The following TTC17 variants were observed in gnomAD, a reference collection of about 807,000 sequenced individuals.
The protein encoded by TTC17 is tetratricopeptide repeat domain 17.
A neutral mutation model predicts 143.8 loss-of-function variants in TTC17; 58 were observed. That is an observed-to-expected ratio of 0.40 (90% CI 0.33 to 0.50). The LOEUF (loss-of-function observed/expected upper bound fraction) is 0.50. Ranked by LOEUF, TTC17 falls within the 20% of genes least tolerant of loss-of-function variation. The pLI, the probability that TTC17 is intolerant of heterozygous loss-of-function variation, is 0.49. For synonymous variants in TTC17, 501 were observed against 497.8 expected, an observed-to-expected ratio of 1.01 and a Z score of -0.09; for missense variants, 1,273 against 1,392.5, an observed-to-expected ratio of 0.91 and a Z score of 1.37.
At chr11:43,480,887 CAAAA>C (rs58806758) in intron 21 of TTC17, among the ~76,000 whole-genome samples, 1 of 99,024 alleles carries the variant, frequency 1.0e-5, no homozygotes, top group Non-Finnish European at 2.2e-5. Flanking sequence ...CAAGAAAATG[CAAAA>C]AAAAAAAAAA....
intron 16 of TTC17, among the ~76,000 whole-genome samples, chr11:43,443,041 T>C (rs1947457569): frequency 6.6e-6 from 1 of 152,194 alleles, no homozygotes; most frequent in Admixed American, 6.5e-5. Flanking sequence ...TTTTAAAAAA[T>C]AGTGTATCAC....
Position 43,443,418 on chromosome 11 carries a change from T to G in TTC17, c.2345T>G (p.Phe782Cys). 1.2e-6 allele frequency: 2 copies of G among 1,614,130 alleles called. No individual in the cohort carries two copies. Among genetic ancestry groups the G allele is most frequent in the Non-Finnish European group, 1.7e-6 (2 of 1,180,022 alleles). Residue 782 changes from phenylalanine to cysteine, a missense_variant, in exon 17 of 24, where the codon TTT (phenylalanine) becomes TGT (cysteine). By Grantham distance (205) the Phe-to-Cys change is radical. This residue lies in a region of TTC17 where 878 missense variants were observed against 899.8 expected (regional missense o/e 0.98). Transcript: ENST00000039989. ...SEEILALVDEFQQAWPLEGFG... is the reference protein window; with the variant it reads ...SEEILALVDECQQAWPLEGFG... Reference sequence around the variant, plus strand: ...GAAATACTGGCTTTGGTGGATGAATTTCAACAGGCATGGCCTTTGGAAGGC... The same window carrying G: ...GAAATACTGGCTTTGGTGGATGAATGTCAACAGGCATGGCCTTTGGAAGGC...
chr11:43,369,996 T>C, intron 1 of TTC17: 1 of 436,696 alleles, frequency 2.3e-6, no homozygotes, highest in Non-Finnish European at 4.6e-6. Flanking sequence ...ATCTTGGCAG[T>C]TCATTATAAT....
chr11:43,389,955 C>A, intron 3 of TTC17, 134 bp downstream of exon 3: 1 of 668,612 alleles, frequency 1.5e-6, no homozygotes, highest in Non-Finnish European at 2.5e-6. Context: ...ATTCAAAATA[C>A]ATACTACATG....
intron 19 of TTC17, 125 bp from the exon 20 acceptor site, chr11:43,449,957 G>A (rs1590441797): frequency 9.5e-7 from 1 of 1,049,626 alleles, no homozygotes; most frequent in Non-Finnish European, 1.4e-6. Context: ...TCAGGGGATA[G>A]CATGTTGAAG....
chr11:43,389,964 T>A (rs928928066), intron 3 of TTC17, 143 bp downstream of exon 3: 17 of 636,618 alleles, frequency 2.7e-5, no homozygotes, highest in Non-Finnish European at 3.4e-5. Flanking sequence ...ACATACTACA[T>A]GTAGAATTCT....
Position 43,493,860 on chromosome 11 carries a change from A to G in TTC17, c.3382A>G (p.Ile1128Val), listed in dbSNP as rs978457942. 6.2e-7 allele frequency: 1 copy of G among 1,613,998 alleles called. No homozygotes were observed. The highest frequency in any genetic ancestry group is 8.5e-7 in the Non-Finnish European group (1 of 1,179,908). ...FVPAKNRIQT[I>V]QCHLMLKKGR... ...CCCAGCCAAGAACCGAATCCAGACC[A>G]TCCAGTGTCACTTAATGCTGAAGAA... The change falls in exon 24 of 24, where the codon ATC (isoleucine) becomes GTC (valine). Residue 1128 changes from isoleucine (I) to valine (V), a missense_variant. Ile to Val is a conservative substitution (Grantham distance 29). Transcript: ENST00000039989.
At chr11:43,446,852 G>A (rs563803590) in intron 18 of TTC17, 372 of 195,938 alleles carry the variant, frequency 1.9e-3, no homozygotes, top group Non-Finnish European at 2.9e-3. Flanking sequence ...ACTTACGAAG[G>A]ATATTAATAA....
At chr11:43,459,781 C>A (rs1947830659) in intron 21 of TTC17, among the ~76,000 whole-genome samples, 1 of 152,174 alleles carries the variant, frequency 6.6e-6, no homozygotes, top group Admixed American at 6.5e-5. Flanking sequence ...CCCATACAAC[C>A]ATTCTATTTT....
intron 10 of TTC17, among the ~76,000 whole-genome samples, chr11:43,401,823 T>C (rs935495194): frequency 2.0e-5 from 3 of 151,460 alleles, no homozygotes; most frequent in Non-Finnish European, 1.5e-5. Context: ...CAAAAACATA[T>C]ATAAATTGGC....
At position 43,407,610 on chromosome 11, in the gene TTC17, A is replaced by C. The variant is rs373860371; in HGVS notation, c.2064+33A>C. The stretch of plus-strand genomic sequence containing the variant: ...TTTAAGGGATTTCATAGTTCCGTAT[A>C]CTATGTAGGGTAACTCAAATTTAGA... On this transcript the variant is annotated intron_variant, in intron 15 of 23. Coordinates refer to ENST00000039989, the MANE Select transcript of TTC17 (RefSeq NM_018259.6). 3.2e-6 allele frequency: 5 copies of C among 1,583,378 alleles called. No individual in the cohort carries two copies. The African/African-American group carries it at 5.4e-5, about 17-fold the overall frequency.
At chr11:43,369,744 G>A (rs905064906) in intron 1 of TTC17, among the ~76,000 whole-genome samples, 4 of 151,764 alleles carry the variant, frequency 2.6e-5, no homozygotes, top group Non-Finnish European at 5.9e-5. Context: ...AGCCTCCCGA[G>A]TAGCTGGGAC....
intron 21 of TTC17, 107 bp downstream of exon 21, chr11:43,451,372 CT>C (rs1395396210): frequency 4.3e-6 from 4 of 938,200 alleles, no homozygotes; most frequent in Non-Finnish European, 6.7e-6. Flanking sequence ...TTACTTAGCA[CT>C]TGGTGGCTAA....
chr11:43,377,735 A>C lies in TTC17; in HGVS notation c.160-1498A>C, dbSNP rs573795070. 1.9e-4 allele frequency among the ~76,000 whole-genome samples: 29 copies of C among 152,312 alleles called. 1 individual carries two copies. Among genetic ancestry groups the C allele is most frequent in the African/African-American group, 6.7e-4 (28 of 41,574 alleles). On this transcript the variant is annotated intron_variant, in intron 1 of 23. Coordinates refer to ENST00000039989, the MANE Select transcript of TTC17 (RefSeq NM_018259.6). ...ATTGAATGTTGACCAGATCCATGCT[A>C]TGGAAATATTATTAAACTTTGTTAT...
chr11:43,479,905 G>A (rs1367278353), intron 21 of TTC17, among the ~76,000 whole-genome samples: 2 of 152,126 alleles, frequency 1.3e-5, no homozygotes, highest in African/African-American at 4.8e-5. Context: ...TGGCAGAAGG[G>A]TGCAGTGAGC....
intron 21 of TTC17, among the ~76,000 whole-genome samples, chr11:43,479,814 A>G (rs1293175871): frequency 6.6e-6 from 1 of 152,182 alleles, no homozygotes; most frequent in Non-Finnish European, 1.5e-5. Flanking sequence ...GCAGCAAGTG[A>G]TTAGGGTTTT....
rs1260269652 is a variant in TTC17, at chr11:43,401,502, G to C, written c.1276G>C (p.Asp426His). The C allele has an allele frequency of 6.2e-7, 1 of 1,613,510 alleles. No individual in the cohort carries two copies. Among genetic ancestry groups the C allele is most frequent in the East Asian group, 2.2e-5 (1 of 44,874 alleles). Residue 426 changes from aspartate (D) to histidine (H), a missense_variant, in exon 10 of 24, where the codon GAC (aspartate) becomes CAC (histidine). Coordinates refer to ENST00000039989, the MANE Select transcript of TTC17 (RefSeq NM_018259.6). ...NQQHSLHCQWDQPVRYHRGDI... is the reference protein window; with the variant it reads ...NQQHSLHCQWHQPVRYHRGDI... ...GCAGCATAGTTTACATTGCCAGTGG[G>C]ACCAGCCTGTACGCTATCATCGTGG...
chr11:43,386,771 A>ATGTG (rs1857185042), intron 2 of TTC17, among the ~76,000 whole-genome samples: 1 of 151,076 alleles, frequency 6.6e-6, no homozygotes, highest in Admixed American at 6.8e-5. Context: ...TTTCTTACGT[A>ATGTG]TGTATGTATT....
intron 21 of TTC17, among the ~76,000 whole-genome samples, chr11:43,461,390 C>CAAAAA (rs750240102): frequency 2.8e-5 from 1 of 36,036 alleles, no homozygotes. Flanking sequence ...AACTCCGTCT[C>CAAAAA]AAAAAAAAAA....
Sources: gnomAD v4.1 joint callset for allele counts (sites outside exome capture counted in the v4.1 genomes callset) on GRCh38, gnomAD v4.1.1 for gene constraint, gnomAD v4.1.1 regional missense constraint, MANE v1.5 for transcripts, NCBI Gene and HGNC (gene_info 2026-07-23, HGNC 2026-07-21) for gene names.